The following EVA1C variants were observed in gnomAD, a reference collection of about 807,000 sequenced individuals.
The protein encoded by EVA1C is eva-1 homolog C.
A neutral mutation model predicts 45.4 loss-of-function variants in EVA1C; 25 were observed. The observed-to-expected ratio is 0.55, with a 90% CI of 0.40 to 0.77. The LOEUF is 0.77. Ranked by LOEUF, EVA1C falls within the 30% of genes least tolerant of loss-of-function variation. The probability of loss-of-function intolerance (pLI) is 0.00; values close to 1 mark genes in which losing one functional copy is unlikely to be tolerated. For missense variants in EVA1C, 479 were observed against 554.8 expected (o/e 0.86, Z 1.37); for synonymous variants, 190 against 221.2 (o/e 0.86, Z 1.25).
intron 1 of EVA1C, among the ~76,000 whole-genome samples, chr21:32,441,426 T>C (rs562663980): frequency 6.9e-4 from 105 of 152,122 alleles, no homozygotes; most frequent in African/African-American, 2.3e-3. Context: ...GCAAAGGTCC[T>C]GAGGTCAGAG....
rs114508192 is a variant in EVA1C, at chr21:32,501,634, T to C, written c.859+139T>C. ...TTTGAGGTACCGGTCCTGGTGATAA[T>C]AGCGCTTATTATCGGCCAATAGTTG... On this transcript the variant is annotated intron_variant, in intron 6 of 7. Transcript: ENST00000300255. 156 of 1,043,514 alleles carry C rather than the reference T, an allele frequency of 1.5e-4. No homozygotes were observed. In the African/African-American group the frequency reaches 2.2e-3, roughly 15 times the overall value. The allele number at this position is 1,043,514 out of a possible 1,614,324, so 64.6% of individuals were successfully genotyped here.
chr21:32,493,250 G>A (rs1280754117), intron 4 of EVA1C, among the ~76,000 whole-genome samples: 1 of 152,080 alleles, frequency 6.6e-6, no homozygotes, highest in Non-Finnish European at 1.5e-5. Flanking sequence ...TCTTAAAATT[G>A]CTTCCAAACT....
At chr21:32,470,752 T>C (rs7277760) in intron 4 of EVA1C, among the ~76,000 whole-genome samples, 29,826 of 150,456 alleles carry the variant, frequency 0.2, 3,188 homozygotes, top group Admixed American at 0.25. Context: ...TTCTTTCTTT[T>C]TCTTTTTCTT....
Position 32,413,007 on chromosome 21 carries a change from T to A in EVA1C, c.154T>A (p.Phe52Ile). The A allele has an allele frequency of 7.0e-7, 1 of 1,421,774 alleles. No individual in the cohort carries two copies. Among genetic ancestry groups the A allele is most frequent in the Non-Finnish European group, 9.3e-7 (1 of 1,077,978 alleles). 88.1% of individuals were successfully genotyped at this position (1,421,774 alleles called of 1,614,324 possible). A position where few individuals can be genotyped will look rare whatever the true frequency, so the allele number is the denominator to read the frequency against. ...CSKEISALTD[F>I]SGYLTKLLQN... ...CAAAGAGATCTCAGCGCTCACCGAC[T>A]TCTCTGGTAAGAGCGCCCTCCCTGG... Residue 52 changes from phenylalanine to isoleucine, a missense_variant, in exon 1 of 8, where the codon TTC becomes ATC. Physicochemically the swap from Phe to Ile is conservative, Grantham distance 21. Transcript: ENST00000300255.
At chr21:32,490,501 G>A (rs1300504113) in intron 4 of EVA1C, among the ~76,000 whole-genome samples, 1 of 152,138 alleles carries the variant, frequency 6.6e-6, no homozygotes, top group African/African-American at 2.4e-5. Flanking sequence ...AAAGGGGAGA[G>A]AACCATTTGA....
chr21:32,464,828 AC>A (rs1409462090), intron 3 of EVA1C, among the ~76,000 whole-genome samples: 1 of 152,180 alleles, frequency 6.6e-6, no homozygotes, highest in African/African-American at 2.4e-5. Context: ...GTCTCAAAAA[AC>A]AAAAAGGTGA....
intron 1 of EVA1C, among the ~76,000 whole-genome samples, chr21:32,429,166 A>G (rs1006267619): frequency 6.6e-6 from 1 of 150,720 alleles, no homozygotes; most frequent in African/African-American, 2.5e-5. Context: ...CCAGCCTCCC[A>G]AGTAGCTGGG....
intron 4 of EVA1C, 127 bp from the exon 5 acceptor site, chr21:32,494,900 T>C: frequency 9.8e-7 from 1 of 1,018,498 alleles, no homozygotes. Context: ...AGACAGAAAA[T>C]AAGCAGAGAA....
chr21:32,460,177 T>C (rs2035946992), intron 3 of EVA1C, among the ~76,000 whole-genome samples: 1 of 152,136 alleles, frequency 6.6e-6, no homozygotes, highest in African/African-American at 2.4e-5. Context: ...GAGTGGCGGT[T>C]CTATCGTGGG....
chr21:32,437,748 C>G (rs756821727), intron 1 of EVA1C, among the ~76,000 whole-genome samples: 2 of 152,298 alleles, frequency 1.3e-5, no homozygotes, highest in African/African-American at 4.8e-5. Flanking sequence ...CGTTTTTGCC[C>G]TCTCCCTACA....
chr21:32,417,314 A>G (rs2034087692), intron 1 of EVA1C, among the ~76,000 whole-genome samples: 1 of 152,234 alleles, frequency 6.6e-6, no homozygotes, highest in South Asian at 2.1e-4. Context: ...AGGTCTTGGC[A>G]GAGTTGATTT....
intron 1 of EVA1C, among the ~76,000 whole-genome samples, chr21:32,417,144 C>T (rs966500568): frequency 7.2e-5 from 11 of 152,230 alleles, no homozygotes; most frequent in South Asian, 4.1e-4. Flanking sequence ...GGCCAGTGTT[C>T]CAGTCCCTGC....
At chr21:32,468,390 A>ACAAT (rs1491010285) in intron 4 of EVA1C, among the ~76,000 whole-genome samples, 1 of 142,418 alleles carries the variant, frequency 7.0e-6, no homozygotes, top group African/African-American at 2.7e-5. Context: ...AAACAAACAA[A>ACAAT]CAAAAAAACA....
At chr21:32,430,806 C>CTAATAAAAA (rs2034669636) in intron 1 of EVA1C, among the ~76,000 whole-genome samples, 1 of 151,940 alleles carries the variant, frequency 6.6e-6, no homozygotes, top group Non-Finnish European at 1.5e-5. Context: ...AACCCCATCT[C>CTAATAAAAA]TAATAAAAAT....
At chr21:32,422,444 G>A (rs1415999669) in intron 1 of EVA1C, among the ~76,000 whole-genome samples, 1 of 152,160 alleles carries the variant, frequency 6.6e-6, no homozygotes, top group Admixed American at 6.5e-5. Flanking sequence ...GGTGTCCTAG[G>A]ATTAATTTTT....
chr21:32,457,490 TGGGGA>T, intron 2 of EVA1C, 102 bp from the exon 3 acceptor site: 2 of 1,326,864 alleles, frequency 1.5e-6, no homozygotes, highest in East Asian at 4.6e-5. Flanking sequence ...CTTGGCCAGG[TGGGGA>T]GGCGTCCTTC....
chr21:32,414,823 A>G (rs1346190324), intron 1 of EVA1C, among the ~76,000 whole-genome samples: 1 of 152,158 alleles, frequency 6.6e-6, no homozygotes, highest in Non-Finnish European at 1.5e-5. Flanking sequence ...TTTTCCTCTC[A>G]TCAGTGATGC....
intron 3 of EVA1C, among the ~76,000 whole-genome samples, chr21:32,459,180 ACACT>A (rs759624833): frequency 6.0e-4 from 91 of 152,098 alleles, no homozygotes; most frequent in Non-Finnish European, 1.5e-4. Flanking sequence ...CCCATTATAC[ACACT>A]CAAACACATA....
intron 4 of EVA1C, among the ~76,000 whole-genome samples, chr21:32,486,647 AG>A (rs1193408850): frequency 6.6e-6 from 1 of 152,200 alleles, no homozygotes; most frequent in African/African-American, 2.4e-5. Flanking sequence ...CTTGGAAAAA[AG>A]GCCTTAATAG....
Sources: allele counts gnomAD v4.1 joint callset (sites outside exome capture counted in the v4.1 genomes callset), GRCh38; gene constraint gnomAD v4.1.1; transcripts MANE v1.5; gene names NCBI Gene and HGNC (gene_info 2026-07-23, HGNC 2026-07-21).